The following CTNNA3 variants were observed in gnomAD, a reference collection of about 807,000 sequenced individuals.
CTNNA3 encodes the protein catenin alpha 3.
In CTNNA3, 76 loss-of-function variants were observed where a neutral mutation model predicts 95.7. The observed-to-expected ratio is 0.79, with a 90% CI of 0.66 to 0.96. CTNNA3 has a LOEUF of 0.96. Among genes scored for constraint, CTNNA3 ranks in the 40% least tolerant of loss-of-function variants. The probability of loss-of-function intolerance (pLI) is 0.00; values close to 1 mark genes in which losing one functional copy is unlikely to be tolerated. For synonymous variants in CTNNA3, 431 were observed against 374.4 expected (o/e 1.15, Z -1.74); for missense variants, 1,191 against 1,089.8 (o/e 1.09, Z -1.31).
chr10:67,733,281 C>T (rs1841286272), intron 1 of CTNNA3, among the ~76,000 whole-genome samples: 1 of 152,118 alleles, frequency 6.6e-6, no homozygotes, highest in Admixed American at 6.6e-5. Flanking sequence ...AAAGTTGCTA[C>T]TATTCTTCCA....
At chr10:66,322,049 G>A (rs1026452402) in intron 12 of CTNNA3, among the ~76,000 whole-genome samples, 14 of 152,158 alleles carry the variant, frequency 9.2e-5, no homozygotes, top group Admixed American at 1.3e-4. Context: ...CTGAGGTGAA[G>A]CTCTGCTGGT....
At chr10:66,068,277 G>A (rs2080356849) in intron 15 of CTNNA3, among the ~76,000 whole-genome samples, 2 of 152,002 alleles carry the variant, frequency 1.3e-5, no homozygotes, top group East Asian at 3.9e-4. Context: ...TTTTATGTCT[G>A]CAAGTATTCT....
chr10:66,089,059 T>C (rs1341142435), intron 14 of CTNNA3, among the ~76,000 whole-genome samples: 3 of 152,074 alleles, frequency 2.0e-5, no homozygotes, highest in Admixed American at 6.6e-5. Context: ...TGCTTGGGTT[T>C]ACCTTTTTTA....
intron 7 of CTNNA3, among the ~76,000 whole-genome samples, chr10:67,043,165 A>C (rs1178412019): frequency 7.1e-6 from 1 of 141,350 alleles, no homozygotes; most frequent in East Asian, 2.1e-4. Flanking sequence ...GTGCAATAAG[A>C]TCTGGGTCCA....
chr10:67,083,444 AG>A (rs1171592838), intron 7 of CTNNA3, among the ~76,000 whole-genome samples: 3 of 152,076 alleles, frequency 2.0e-5, no homozygotes, highest in African/African-American at 7.2e-5. Context: ...CCCCCACTAA[AG>A]CAGAATAACC....
chr10:66,877,667 C>T (rs1844678179), intron 7 of CTNNA3, among the ~76,000 whole-genome samples: 1 of 152,104 alleles, frequency 6.6e-6, no homozygotes, highest in Non-Finnish European at 1.5e-5. Flanking sequence ...CTTCGGGCCT[C>T]ATGACCATTC....
chr10:66,209,072 T>C (rs911816461), intron 13 of CTNNA3, among the ~76,000 whole-genome samples: 1 of 152,166 alleles, frequency 6.6e-6, no homozygotes, highest in Non-Finnish European at 1.5e-5. Flanking sequence ...CCTCCAATAC[T>C]ATCCCCATCT....
intron 13 of CTNNA3, among the ~76,000 whole-genome samples, chr10:66,174,610 C>T (rs775312140): frequency 5.9e-5 from 9 of 151,496 alleles, no homozygotes; most frequent in African/African-American, 1.5e-4. Flanking sequence ...AAACAGGGAT[C>T]GAAAATAGAG....
intron 5 of CTNNA3, among the ~76,000 whole-genome samples, chr10:67,387,542 C>A (rs1349922881): frequency 6.6e-6 from 1 of 152,218 alleles, no homozygotes; most frequent in African/African-American, 2.4e-5. Context: ...GAAGCTCGAA[C>A]TGGGTGGAGC....
chr10:66,349,076 A>G (rs2092547290), intron 12 of CTNNA3, among the ~76,000 whole-genome samples: 1 of 152,074 alleles, frequency 6.6e-6, no homozygotes, highest in Non-Finnish European at 1.5e-5. Flanking sequence ...TCGTTACTTC[A>G]CAATTCGTTA....
chr10:66,406,119 A>C (rs2093055067), intron 11 of CTNNA3, among the ~76,000 whole-genome samples: 1 of 152,218 alleles, frequency 6.6e-6, no homozygotes, highest in Non-Finnish European at 1.5e-5. Flanking sequence ...ATGACAATGA[A>C]AAAAGGGATC....
chr10:66,063,612 A>G (rs1216367802), intron 15 of CTNNA3, among the ~76,000 whole-genome samples: 2 of 151,918 alleles, frequency 1.3e-5, no homozygotes, highest in Admixed American at 6.6e-5. Context: ...ATTTTTAAAA[A>G]ACTAGTAAGC....
At chr10:66,502,502 A>T (rs1840311236) in intron 11 of CTNNA3, among the ~76,000 whole-genome samples, 1 of 152,136 alleles carries the variant, frequency 6.6e-6, no homozygotes, top group Non-Finnish European at 1.5e-5. Flanking sequence ...TGTAGATAAC[A>T]CTGAAGTCCT....
chr10:66,115,938 A>G (rs1449125671), intron 13 of CTNNA3, among the ~76,000 whole-genome samples: 3 of 152,200 alleles, frequency 2.0e-5, no homozygotes, highest in Non-Finnish European at 4.4e-5. Context: ...TGGACATATT[A>G]TTCAAGGTTA....
chr10:66,872,325 A>T (rs1844441328), intron 7 of CTNNA3, among the ~76,000 whole-genome samples: 1 of 152,188 alleles, frequency 6.6e-6, no homozygotes, highest in Admixed American at 6.5e-5. Context: ...TATAAACATC[A>T]GGACACAAAT....
At chr10:67,456,111 A>T (rs1021586044) in intron 5 of CTNNA3, among the ~76,000 whole-genome samples, 4 of 152,182 alleles carry the variant, frequency 2.6e-5, no homozygotes, top group Non-Finnish European at 5.9e-5. Context: ...CATATTCTAC[A>T]ATAAAATGAC....
At chr10:67,135,437 G>T (rs1019341979) in intron 7 of CTNNA3, among the ~76,000 whole-genome samples, 1 of 152,168 alleles carries the variant, frequency 6.6e-6, no homozygotes, top group Non-Finnish European at 1.5e-5. Flanking sequence ...TACTTTGGGA[G>T]ACCAAGGTTG....
At chr10:66,128,498 A>G (rs1279985981) in intron 13 of CTNNA3, among the ~76,000 whole-genome samples, 2 of 152,190 alleles carry the variant, frequency 1.3e-5, no homozygotes, top group African/African-American at 4.8e-5. Context: ...CCAGAAAAAG[A>G]CATGGAAGAA....
chr10:66,043,956 C>CTGTGTGTGTG lies in CTNNA3; in HGVS notation c.2159+25342_2159+25351dup, dbSNP rs59559225. On this transcript the variant is annotated intron_variant, in intron 15 of 17. Coordinates refer to ENST00000433211, the MANE Select transcript of CTNNA3 (RefSeq NM_013266.4). The stretch of plus-strand genomic sequence containing the variant: ...TGCCTAAAAATGTAATAGGACTATG[C>CTGTGTGTGTG]TGTGTGTGTGTGTGTGTGTGTGTGT... Among the ~76,000 whole-genome samples the CTGTGTGTGTG allele has an allele frequency of 6.3e-3, 907 of 144,456 alleles. 3 individuals are homozygous for CTGTGTGTGTG. Among genetic ancestry groups the CTGTGTGTGTG allele is most frequent in the Non-Finnish European group, 9.4e-3 (615 of 65,470 alleles). 94.8% of individuals were successfully genotyped at this position (144,456 alleles called of 152,430 possible).
Sources: allele counts gnomAD v4.1 joint callset (sites outside exome capture counted in the v4.1 genomes callset), GRCh38; gene constraint gnomAD v4.1.1; transcripts MANE v1.5; gene names NCBI Gene and HGNC (gene_info 2026-07-23, HGNC 2026-07-21).